GPR155: variants seen among roughly 807,000 people sequenced by gnomAD.
GPR155 encodes the protein G protein-coupled receptor 155.
Under a neutral mutation model 93.1 loss-of-function variants are expected in GPR155, and 65 were observed. The observed-to-expected ratio is 0.70, with a 90% CI of 0.57 to 0.86. The LOEUF is 0.86. Among genes scored for constraint, GPR155 ranks in the 40% least tolerant of loss-of-function variants. GPR155 has a pLI of 0.00. For synonymous variants in GPR155, 319 were observed against 360.1 expected (o/e 0.89, Z 1.29); for missense variants, 838 against 1,034.8 (o/e 0.81, Z 2.61).
intron 10 of GPR155, among the ~76,000 whole-genome samples, chr2:174,454,945 G>GGGAT (rs1355556409): frequency 1.3e-5 from 2 of 152,160 alleles, no homozygotes; most frequent in Non-Finnish European, 2.9e-5. Context: ...GGGGGTGGCA[G>GGGAT]GGATGGGGTC....
At position 174,470,531 on chromosome 2, in the gene GPR155, T is replaced by C. The variant is rs2105724120; in HGVS notation, c.885A>G (p.Arg295=). Residue 295 remains arginine, a synonymous_variant, in exon 4 of 16, where the codon AGA becomes AGG. Transcript: ENST00000392552. ...CCTTGTCCAAGAGTTCCACCATTTC[T>C]CTGCACAGAAGTGGCAGCACCAGAC... ...AKLLVLPLLC[R]EMVELLDKGD... 1 of 1,613,756 alleles carries C rather than the reference T, an allele frequency of 6.2e-7. No homozygotes were observed. Among genetic ancestry groups the C allele is most frequent in the Non-Finnish European group, 8.5e-7 (1 of 1,179,980 alleles).
Position 174,431,837 on chromosome 2 carries a change from C to A in GPR155, c.*4279G>T, listed in dbSNP as rs1183194508. 1 of 152,162 alleles carries A rather than the reference C, an allele frequency of 6.6e-6. No individual in the cohort carries two copies. Among genetic ancestry groups the A allele is most frequent in the Non-Finnish European group, 1.5e-5 (1 of 68,028 alleles). The allele number at this position is 152,162 out of a possible 1,614,324, so 9.4% of individuals were successfully genotyped here. ...TTTTCTTGCTTTAGAAATTTACTGA[C>A]CATTAATTGTTGTTCTCAAAATGCC... is the stretch of plus-strand genomic sequence containing the variant. On this transcript the variant is annotated 3_prime_UTR_variant, in exon 16 of 16. Coordinates refer to ENST00000392552, the MANE Select transcript of GPR155 (RefSeq NM_152529.7).
At chr2:174,440,202 T>G (rs1472215340) in intron 14 of GPR155, among the ~76,000 whole-genome samples, 167 bp from the exon 15 acceptor site, 2 of 152,108 alleles carry the variant, frequency 1.3e-5, no homozygotes, top group Non-Finnish European at 2.9e-5. Context: ...CATTCTACAT[T>G]CCAGACATCA....
At chr2:174,455,834 C>A (rs1014471326) in intron 10 of GPR155, among the ~76,000 whole-genome samples, 1 of 152,132 alleles carries the variant, frequency 6.6e-6, no homozygotes, top group Non-Finnish European at 1.5e-5. Context: ...CAGAAAGAGA[C>A]GTAAATAATT....
At position 174,457,539 on chromosome 2, in the gene GPR155, C is replaced by T. The variant is rs141668013; in HGVS notation, c.1771+2339G>A. On this transcript the variant is annotated intron_variant, in intron 10 of 15. Coordinates refer to ENST00000392552, the MANE Select transcript of GPR155 (RefSeq NM_152529.7). ...TGGCACGATCTCAGCTCACTGCAACCTCTGCCTCCCTGGTTCAAGCGATTC... is the reference window on the plus strand; with the variant it reads ...TGGCACGATCTCAGCTCACTGCAACTTCTGCCTCCCTGGTTCAAGCGATTC... Among the ~76,000 whole-genome samples the T allele has an allele frequency of 3.5e-3, 538 of 152,318 alleles. 6 individuals carry two copies. The highest frequency in any genetic ancestry group is 0.012 in the African/African-American group (509 of 41,574).
rs759396641 is a variant in GPR155, at chr2:174,473,230, C to T, written c.595G>A (p.Ala199Thr). The T allele has an allele frequency of 1.2e-6, 2 of 1,613,828 alleles. No homozygotes were observed. Among genetic ancestry groups the T allele is most frequent in the Non-Finnish European group, 1.7e-6 (2 of 1,179,832 alleles). The change falls in exon 3 of 16, where the codon GCT (alanine) becomes ACT (threonine). Residue 199 changes from alanine (A) to threonine (T), a missense_variant. By Grantham distance (58) the Ala-to-Thr change is moderately conservative. Around this residue, in one of 3 missense-constraint regions of GPR155, gnomAD observed 663 missense variants for 790.1 expected, o/e 0.84. Coordinates refer to ENST00000392552, the MANE Select transcript of GPR155 (RefSeq NM_152529.7). ...ACAATTTTTATTTTATTTTGAGAAG[C>T]ATTTTGAGTGTCTTTCCACTTTTGG... ...EIQKWKDTQN[A>T]SQNKIKIVGL...
At chr2:174,452,133 C>T (rs1003761120) in intron 11 of GPR155, among the ~76,000 whole-genome samples, 4 of 151,258 alleles carry the variant, frequency 2.6e-5, no homozygotes, top group Admixed American at 2.6e-4. Context: ...TGTAAAGAAA[C>T]GATTTTAGAA....
chr2:174,463,897 T>C (rs557827092), intron 7 of GPR155, among the ~76,000 whole-genome samples: 7 of 152,232 alleles, frequency 4.6e-5, no homozygotes, highest in Non-Finnish European at 8.8e-5. Context: ...TAAATTGACA[T>C]TGAGGTCCTT....
rs760898047 is a variant in GPR155, at chr2:174,446,761, A to G, written c.1877-14T>C. The G allele has an allele frequency of 2.5e-6, 4 of 1,610,884 alleles. No homozygotes were observed. The South Asian group carries it at 4.4e-5, about 18-fold the overall frequency. ...CACAATGATTGTCTATAAAAGAGTA[A>G]GCACAACAATTTGTAATCAGAGCTT... On this transcript the variant is annotated splice_polypyrimidine_tract_variant and intron_variant, in intron 11 of 15. Transcript: ENST00000392552.
chr2:174,463,290 T>G (rs1687752632), intron 7 of GPR155, among the ~76,000 whole-genome samples: 1 of 152,122 alleles, frequency 6.6e-6, no homozygotes. Context: ...CTGCTCAAAA[T>G]TCTGGGCTCA....
rs983979248 is a variant in GPR155, at chr2:174,439,978, T to C, written c.2232A>G (p.Ser744=). ...GTTGACAGGTCATTTTTATTTCCTC[T>C]GAAACAGGAGAATCCCTGTTTTCTG... ...DTAENRDSPV[S]EEIKMTCQQF... is the part of the protein sequence containing the mutation. Residue 744 remains serine (S), a synonymous_variant, in exon 15 of 16, where the codon TCA becomes TCG. Coordinates refer to ENST00000392552, the MANE Select transcript of GPR155 (RefSeq NM_152529.7). 5.0e-6 allele frequency: 8 copies of C among 1,610,812 alleles called. No individual in the cohort carries two copies. The highest frequency in any genetic ancestry group is 6.8e-6 in the Non-Finnish European group (8 of 1,177,290).
chr2:174,438,704 A>C (rs892106881), intron 15 of GPR155, among the ~76,000 whole-genome samples: 1 of 152,010 alleles, frequency 6.6e-6, no homozygotes, highest in Non-Finnish European at 1.5e-5. Context: ...ACAGGGTTTC[A>C]CCATGTTGGC....
At chr2:174,481,105 A>T (rs1474938245) in intron 2 of GPR155, among the ~76,000 whole-genome samples, 1 of 152,232 alleles carries the variant, frequency 6.6e-6, no homozygotes, top group Admixed American at 6.5e-5. Flanking sequence ...AAAATAATAC[A>T]TATTCTAGAT....
At chr2:174,454,677 G>A (rs1687439513) in intron 10 of GPR155, among the ~76,000 whole-genome samples, 1 of 143,562 alleles carries the variant, frequency 7.0e-6, no homozygotes, top group Non-Finnish European at 1.5e-5. Flanking sequence ...AGGGAAGGAG[G>A]GAGGGAGGGA....
intron 13 of GPR155, among the ~76,000 whole-genome samples, chr2:174,443,464 A>G (rs1006206094): frequency 6.6e-6 from 1 of 152,220 alleles, no homozygotes; most frequent in Admixed American, 6.5e-5. Flanking sequence ...GCGGTGGCCC[A>G]TGCCCGTTAA....
chr2:174,436,445 T>C (rs1186012709), intron 15 of GPR155, 29 bp from the exon 16 acceptor site: 1 of 1,608,422 alleles, frequency 6.2e-7, no homozygotes, highest in South Asian at 1.1e-5. Flanking sequence ...TCACCCATAT[T>C]TTCTGTAAAT....
chr2:174,466,663 C>A (rs1687846560), intron 5 of GPR155, 36 bp from the exon 6 acceptor site: 1 of 1,085,148 alleles, frequency 9.2e-7, no homozygotes, highest in African/African-American at 1.6e-5. Flanking sequence ...ATTCATGTTT[C>A]TTAATCTTTA....
intron 4 of GPR155, 51 bp from the exon 5 acceptor site, chr2:174,469,118 T>C (rs780489946): frequency 2.6e-6 from 4 of 1,509,722 alleles, no homozygotes; most frequent in Non-Finnish European, 3.7e-6. Context: ...TAAACAGTAT[T>C]TTAAACTTTA....
At chr2:174,474,190 C>T (rs137949764) in intron 2 of GPR155, among the ~76,000 whole-genome samples, 2 of 152,062 alleles carry the variant, frequency 1.3e-5, no homozygotes, top group Non-Finnish European at 2.9e-5. Context: ...GTGGTCTAGC[C>T]GGAAAGTATG....
Sources: allele counts gnomAD v4.1 joint callset (sites outside exome capture counted in the v4.1 genomes callset), GRCh38; gene constraint gnomAD v4.1.1; regional missense constraint gnomAD v4.1.1; transcripts MANE v1.5; gene names NCBI Gene and HGNC (gene_info 2026-07-23, HGNC 2026-07-21).